GALNT9: variants seen among roughly 807,000 people sequenced by gnomAD.
GALNT9 encodes the protein GalNAc transferase 9.
GALNT9 carries 47 observed loss-of-function variants against 63.1 expected under a neutral mutation model. That is an observed-to-expected ratio of 0.75 (90% CI 0.59 to 0.95). The LOEUF (loss-of-function observed/expected upper bound fraction) is 0.95, where lower values mean the gene tolerates loss of function less well. Ranked by LOEUF, GALNT9 falls within the 40% of genes least tolerant of loss-of-function variation. The pLI, the probability that GALNT9 is intolerant of heterozygous loss-of-function variation, is 0.00. For synonymous variants in GALNT9, 396 were observed against 365.7 expected (o/e 1.08, Z -0.94); for missense variants, 829 against 874.8 (o/e 0.95, Z 0.66).
chr12:132,329,025 CG>C lies in GALNT9; in HGVS notation c.178del (p.Arg60ValfsTer85). ...GTCCAGGCGCTGCAGGATGGCCTCA[CG>C]GTCCCCCAGCGTGCCCACCTTGGCG... ...RHAKVGTLGDREAILQRLDHL... is the reference protein window; with the variant it reads ...RHAKVGTLGDXEAILQRLDHL... On this transcript the variant is annotated frameshift_variant, in exon 1 of 11. Coordinates refer to ENST00000328957, the MANE Select transcript of GALNT9 (RefSeq NM_001122636.2). LOFTEE classifies it high-confidence loss of function. The C allele has an allele frequency of 1.3e-6, 2 of 1,544,528 alleles. No individual in the cohort carries two copies. The highest frequency in any genetic ancestry group is 1.7e-6 in the Non-Finnish European group (2 of 1,145,834).
At chr12:132,197,703 A>G (rs1402147907) in intron 10 of GALNT9, 89 bp downstream of exon 10, 11 of 1,016,408 alleles carry the variant, frequency 1.1e-5, no homozygotes, top group South Asian at 6.2e-5. Flanking sequence ...CTCCCACCCA[A>G]TGGGCTGGCT....
chr12:132,249,758 C>T (rs957135846), intron 5 of GALNT9, among the ~76,000 whole-genome samples: 2 of 152,188 alleles, frequency 1.3e-5, no homozygotes, highest in Non-Finnish European at 2.9e-5. Context: ...GGAGGCAGCA[C>T]CAGCTGGAAC....
chr12:132,261,031 G>A lies in GALNT9; in HGVS notation c.678C>T (p.Ile226=). ...IVRNSRREGL[I]RARLQGWKAA... ...CCTTCCAGCCCTGCAGCCGCGCGCG[G>A]ATCAGTCCTTCCCGCCGGCTGTTGC... The change falls in exon 4 of 11, where the codon ATC becomes ATT. Residue 226 remains isoleucine, a synonymous_variant. Coordinates refer to ENST00000328957, the MANE Select transcript of GALNT9 (RefSeq NM_001122636.2). 6.4e-7 allele frequency: 1 copy of A among 1,551,158 alleles called. No homozygotes were observed. Among genetic ancestry groups the A allele is most frequent in the Non-Finnish European group, 8.7e-7 (1 of 1,146,904 alleles).
chr12:132,198,443 G>GCTGGGCCTGGGC (rs1555232981), intron 9 of GALNT9, among the ~76,000 whole-genome samples: 1 of 99,378 alleles, frequency 1.0e-5, no homozygotes, highest in African/African-American at 4.0e-5. Context: ...TGGGGCTGGG[G>GCTGGGCCTGGGC]CTGGGCCTGG....
chr12:132,199,960 T>C (rs1875883788), intron 8 of GALNT9, among the ~76,000 whole-genome samples: 1 of 151,986 alleles, frequency 6.6e-6, no homozygotes, highest in Non-Finnish European at 1.5e-5. Flanking sequence ...CAGGTTTGAA[T>C]TGGGACCGTT....
At chr12:132,323,448 G>T (rs1357590814) in intron 1 of GALNT9, among the ~76,000 whole-genome samples, 1 of 152,244 alleles carries the variant, frequency 6.6e-6, no homozygotes, top group Non-Finnish European at 1.5e-5. Context: ...ACTCAAAGGG[G>T]CAGGTCTGCA....
At chr12:132,290,321 C>T (rs927398632) in intron 1 of GALNT9, among the ~76,000 whole-genome samples, 12 of 152,162 alleles carry the variant, frequency 7.9e-5, no homozygotes, top group Non-Finnish European at 1.8e-4. Flanking sequence ...CAGAGCGGAC[C>T]GGCCAAGCCA....
rs1385360355 is a variant in GALNT9, at chr12:132,316,457, G to T, written c.238+12509C>A. Among the ~76,000 whole-genome samples, 1 of 152,144 alleles carries T rather than the reference G, an allele frequency of 6.6e-6. No homozygotes were observed. The highest frequency in any genetic ancestry group is 1.9e-4 in the East Asian group (1 of 5,194). ...GAAAAAGAAAGAAAAGGAATTTGCA[G>T]TTCTCAACCTCAGATGACCTTGCTT... On this transcript the variant is annotated intron_variant, in intron 1 of 10. Coordinates refer to ENST00000328957, the MANE Select transcript of GALNT9 (RefSeq NM_001122636.2). The surrounding 1 kb of genome is among the most constrained non-coding windows in gnomAD (Gnocchi z 4.3).
At chr12:132,311,156 T>A (rs1881799214) in intron 1 of GALNT9, among the ~76,000 whole-genome samples, 1 of 152,032 alleles carries the variant, frequency 6.6e-6, no homozygotes, top group South Asian at 2.1e-4. Context: ...GAAGGGAAAA[T>A]GGGAATCAGA....
At chr12:132,235,678 G>A (rs1338088430) in intron 6 of GALNT9, among the ~76,000 whole-genome samples, 2 of 151,388 alleles carry the variant, frequency 1.3e-5, no homozygotes, top group Non-Finnish European at 2.9e-5. Flanking sequence ...GACAGGGCAG[G>A]AGGGTCCCCC....
At chr12:132,213,449 C>T (rs1877047585) in intron 6 of GALNT9, among the ~76,000 whole-genome samples, 1 of 152,068 alleles carries the variant, frequency 6.6e-6, no homozygotes, top group African/African-American at 2.4e-5. Context: ...TACACATGCA[C>T]TGTTACCCCC....
chr12:132,286,131 G>A lies in GALNT9; in HGVS notation c.419+119C>T, dbSNP rs1213537282. The A allele has an allele frequency of 5.9e-5, 70 of 1,178,870 alleles. No individual in the cohort carries two copies. Among genetic ancestry groups the A allele is most frequent in the Non-Finnish European group, 7.1e-5 (63 of 884,556 alleles). 73.0% of individuals were successfully genotyped at this position (1,178,870 alleles called of 1,614,324 possible). Reference sequence around the variant, plus strand: ...CGTGGGGGGCGGTCACTTCCCTGGCGGGCGTGGGGGCCGCTCACTTCCCCG... The same window carrying A: ...CGTGGGGGGCGGTCACTTCCCTGGCAGGCGTGGGGGCCGCTCACTTCCCCG... On this transcript the variant is annotated intron_variant, in intron 2 of 10. Transcript: ENST00000328957. The surrounding 1 kb of genome is among the most constrained non-coding windows in gnomAD (Gnocchi z 7.4).
At chr12:132,201,536 A>AC (rs1348346920) in intron 7 of GALNT9, among the ~76,000 whole-genome samples, 1 of 151,922 alleles carries the variant, frequency 6.6e-6, no homozygotes, top group Non-Finnish European at 1.5e-5. Context: ...GTCCACACCC[A>AC]CCCGGGCCCA....
chr12:132,298,329 G>A (rs1555243440), intron 1 of GALNT9, among the ~76,000 whole-genome samples: 1 of 150,970 alleles, frequency 6.6e-6, no homozygotes, highest in Non-Finnish European at 1.5e-5. Flanking sequence ...CCACCCATGA[G>A]ATAAACAAGC....
intron 6 of GALNT9, among the ~76,000 whole-genome samples, chr12:132,230,915 C>A (rs1307473132): frequency 2.0e-5 from 3 of 152,262 alleles, no homozygotes; most frequent in Admixed American, 2.0e-4. Context: ...TGAGACTCTG[C>A]TGAGCCTCAC....
In GALNT9 at chr12:132,261,175, C is replaced by T. The variant is rs1879370332; in HGVS notation, c.587-53G>A. The T allele has an allele frequency of 5.8e-6, 9 of 1,539,246 alleles. No homozygotes were observed. The East Asian group carries it at 1.7e-4, about 29-fold the overall frequency. ...TGGCAGGTGCTGGCAGGCGCGGGGCCACCAAGACCCAAGGCTGGAAATGCT... is the reference window on the plus strand; with the variant it reads ...TGGCAGGTGCTGGCAGGCGCGGGGCTACCAAGACCCAAGGCTGGAAATGCT... On this transcript the variant is annotated intron_variant, in intron 3 of 10. Coordinates refer to ENST00000328957, the MANE Select transcript of GALNT9 (RefSeq NM_001122636.2).
At chr12:132,240,704 T>A (rs2136899256) in intron 6 of GALNT9, 1 of 455,960 alleles carries the variant, frequency 2.2e-6, no homozygotes, top group Non-Finnish European at 4.4e-6. Flanking sequence ...TAATTTACCT[T>A]ATCTTGCTGG....
chr12:132,208,346 C>T (rs57327670), intron 6 of GALNT9, among the ~76,000 whole-genome samples: 4,928 of 152,320 alleles, frequency 0.032, 253 homozygotes, highest in African/African-American at 0.11. Flanking sequence ...GGCCGGAGCC[C>T]GGCTGGCACT....
chr12:132,285,148 G>A (rs1357385894), intron 2 of GALNT9, among the ~76,000 whole-genome samples: 1 of 152,246 alleles, frequency 6.6e-6, no homozygotes, highest in Admixed American at 6.5e-5. Flanking sequence ...AGAGGGGGCT[G>A]CCCTCCTGCC....
Sources: gnomAD v4.1 joint callset for allele counts (sites outside exome capture counted in the v4.1 genomes callset) on GRCh38, gnomAD v4.1.1 for gene constraint, Gnocchi (gnomAD v3.1) non-coding constraint, MANE v1.5 for transcripts, NCBI Gene and HGNC (gene_info 2026-07-23, HGNC 2026-07-21) for gene names.